Variants in TRDN observed in about 807,000 individuals in gnomAD.
TRDN encodes triadin, also known as triadin in skeletal muscle.
In TRDN, 161 loss-of-function variants were observed where a neutral mutation model predicts 149.7. That is an observed-to-expected ratio of 1.08 (90% CI 0.95 to 1.23). TRDN has a LOEUF of 1.23. Ranked by LOEUF, TRDN falls within the 50% of genes most tolerant of loss-of-function variation. The pLI is 0.00. For synonymous variants in TRDN, 294 were observed against 250.5 expected, an observed-to-expected ratio of 1.17 and a Z score of -1.64; for missense variants, 896 against 823.5, an observed-to-expected ratio of 1.09 and a Z score of -1.08.
chr6:123,392,235 G>T (rs1157680752), intron 13 of TRDN, among the ~76,000 whole-genome samples: 1 of 151,984 alleles, frequency 6.6e-6, no homozygotes, highest in Admixed American at 6.6e-5. Flanking sequence ...TTTAAATCTT[G>T]AATGGTTAAA....
intron 4 of TRDN, among the ~76,000 whole-genome samples, chr6:123,545,560 T>C (rs532644658): frequency 6.6e-6 from 1 of 152,026 alleles, no homozygotes; most frequent in South Asian, 2.1e-4. Context: ...TGTCAATTTT[T>C]TTCATGTAAC....
rs79054569 is a variant in TRDN at position 123,222,840 on chromosome 6, T to A, written c.2014+1253A>T. Among the ~76,000 whole-genome samples the A allele has an allele frequency of 3.1e-3, 465 of 151,836 alleles. 17 individuals are homozygous for A. In the East Asian group the frequency reaches 0.075, roughly 25 times the overall value. On this transcript the variant is annotated intron_variant, in intron 39 of 40. Coordinates refer to ENST00000334268, the MANE Select transcript of TRDN (RefSeq NM_006073.4). Reference sequence around the variant, plus strand: ...CTCATTACAAAGTGGTCAAAGGACATGAACAGGTACTTTTCAAATGAAGAC... The same window carrying A: ...CTCATTACAAAGTGGTCAAAGGACAAGAACAGGTACTTTTCAAATGAAGAC...
At chr6:123,253,681 C>T (rs917349131) in intron 37 of TRDN, among the ~76,000 whole-genome samples, 2 of 152,046 alleles carry the variant, frequency 1.3e-5, no homozygotes, top group African/African-American at 2.4e-5. Flanking sequence ...CTTGTGCTTT[C>T]GTACATAATC....
chr6:123,623,140 C>A (rs989021926), intron 1 of TRDN, among the ~76,000 whole-genome samples: 2 of 152,008 alleles, frequency 1.3e-5, no homozygotes, highest in African/African-American at 4.8e-5. Context: ...GTTTGTGAAT[C>A]TTTTTGCCCT....
At chr6:123,513,348 A>G (rs758071068) in intron 6 of TRDN, among the ~76,000 whole-genome samples, 6 of 152,216 alleles carry the variant, frequency 3.9e-5, no homozygotes, top group Admixed American at 2.0e-4. Context: ...TAAATAAAAG[A>G]GCACTTACAA....
At chr6:123,545,281 C>G (rs1020824644) in intron 4 of TRDN, among the ~76,000 whole-genome samples, 4 of 151,676 alleles carry the variant, frequency 2.6e-5, no homozygotes, top group Non-Finnish European at 4.4e-5. Context: ...AGTAAAATAA[C>G]TTATAAGACA....
chr6:123,276,560 G>T (rs1204699877), intron 26 of TRDN, among the ~76,000 whole-genome samples: 1 of 152,104 alleles, frequency 6.6e-6, no homozygotes, highest in Admixed American at 6.6e-5. Context: ...AAAATTCTCA[G>T]CCTATCTAGA....
chr6:123,286,321 G>T (rs1395881432), intron 24 of TRDN, among the ~76,000 whole-genome samples: 1 of 151,764 alleles, frequency 6.6e-6, no homozygotes, highest in African/African-American at 2.4e-5. Context: ...AGTATAGGTC[G>T]GGCATGGTGG....
chr6:123,292,826 C>G (rs1329086229), intron 24 of TRDN, among the ~76,000 whole-genome samples: 2 of 152,160 alleles, frequency 1.3e-5, no homozygotes, highest in African/African-American at 4.8e-5. Context: ...ACATCTCAGC[C>G]AGAAGTAGTA....
At chr6:123,496,838 G>T (rs559077837) in intron 9 of TRDN, among the ~76,000 whole-genome samples, 1 of 152,110 alleles carries the variant, frequency 6.6e-6, no homozygotes, top group African/African-American at 2.4e-5. Flanking sequence ...ACTAAGAAAA[G>T]AAAGATATTT....
chr6:123,229,613 T>A (rs1346514536), intron 38 of TRDN, among the ~76,000 whole-genome samples: 1 of 151,914 alleles, frequency 6.6e-6, no homozygotes, highest in East Asian at 1.9e-4. Flanking sequence ...AGGGTTCAGG[T>A]GTTAAGTCTT....
intron 23 of TRDN, among the ~76,000 whole-genome samples, chr6:123,325,092 C>T: frequency 6.6e-6 from 1 of 151,694 alleles, no homozygotes; most frequent in East Asian, 1.9e-4. Context: ...AAAATTATTA[C>T]AAAGACAAAA....
At chr6:123,386,871 T>C (rs191870694) in intron 14 of TRDN, among the ~76,000 whole-genome samples, 80 of 152,314 alleles carry the variant, frequency 5.3e-4, no homozygotes, top group African/African-American at 1.8e-3. Context: ...ACATTTGCTA[T>C]GAAAGTAATA....
intron 1 of TRDN, among the ~76,000 whole-genome samples, chr6:123,602,944 C>CAAAA (rs1287070642): frequency 1.3e-4 from 20 of 152,064 alleles, no homozygotes; most frequent in African/African-American, 3.1e-4. Context: ...AAAAAAAAAT[C>CAAAA]AGTATGTGAT....
At chr6:123,465,226 G>A (rs1776715469) in intron 9 of TRDN, among the ~76,000 whole-genome samples, 1 of 152,082 alleles carries the variant, frequency 6.6e-6, no homozygotes, top group Non-Finnish European at 1.5e-5. Flanking sequence ...GATATGCAAT[G>A]TTAAATATAT....
At chr6:123,582,396 A>G (rs995345702) in intron 1 of TRDN, among the ~76,000 whole-genome samples, 1 of 151,998 alleles carries the variant, frequency 6.6e-6, no homozygotes, top group African/African-American at 2.4e-5. Flanking sequence ...AAAGCTGTTT[A>G]TTTCACCTGG....
intron 1 of TRDN, among the ~76,000 whole-genome samples, chr6:123,626,258 G>A (rs888375424): frequency 1.3e-5 from 2 of 152,054 alleles, no homozygotes; most frequent in Non-Finnish European, 2.9e-5. Flanking sequence ...AAGGTGGGTG[G>A]ATCCCTTGAG....
intron 38 of TRDN, among the ~76,000 whole-genome samples, chr6:123,239,904 G>T (rs535233156): frequency 1.8e-4 from 27 of 152,042 alleles, no homozygotes; most frequent in African/African-American, 6.3e-4. Flanking sequence ...GAGTAGAACT[G>T]ATTAAATGTG....
At chr6:123,443,950 G>A (rs1775113123) in intron 10 of TRDN, among the ~76,000 whole-genome samples, 2 of 150,914 alleles carry the variant, frequency 1.3e-5, no homozygotes, top group Admixed American at 6.6e-5. Context: ...AAGTCAGGTA[G>A]TGTGATGCCT....
Sources: gnomAD v4.1 joint callset for allele counts (sites outside exome capture counted in the v4.1 genomes callset) on GRCh38, gnomAD v4.1.1 for gene constraint, MANE v1.5 for transcripts, NCBI Gene and HGNC (gene_info 2026-07-23, HGNC 2026-07-21) for gene names.